TBC1D19: variants seen among roughly 807,000 people sequenced by gnomAD.
TBC1D19 encodes the protein TBC1 domain family, member 19.
TBC1D19 carries 60 observed loss-of-function variants against 89.0 expected under a neutral mutation model. That is an observed-to-expected ratio of 0.67 (90% confidence interval 0.55 to 0.84). The LOEUF (loss-of-function observed/expected upper bound fraction) is 0.84. Ranked by LOEUF, TBC1D19 falls within the 40% of genes least tolerant of loss-of-function variation. The pLI is 0.00. For missense variants in TBC1D19, 500 were observed against 610.8 expected (o/e 0.82, Z 1.91); for synonymous variants, 189 against 199.7 (o/e 0.95, Z 0.45).
intron 13 of TBC1D19, among the ~76,000 whole-genome samples, chr4:26,694,591 C>A (rs1367836025): frequency 1.3e-5 from 2 of 152,202 alleles, no homozygotes; most frequent in East Asian, 3.9e-4. Context: ...AGACAGACGG[C>A]CTCCTCAAGT....
chr4:26,838,120 C>T, the TBC1D19 span, among the ~76,000 whole-genome samples: 1 of 152,112 alleles, frequency 6.6e-6, no homozygotes, highest in African/African-American at 2.4e-5. Flanking sequence ...CTCTTGGCCC[C>T]TTTCCCATCC....
At chr4:26,659,805 C>A in intron 8 of TBC1D19, 98 bp downstream of exon 8, 1 of 616,410 alleles carries the variant, frequency 1.6e-6, no homozygotes, top group South Asian at 3.8e-5. Flanking sequence ...GTAATCTACT[C>A]ATTAAACAAA....
At chr4:26,842,630 T>TTCTA in the TBC1D19 span, among the ~76,000 whole-genome samples, 1 of 146,996 alleles carries the variant, frequency 6.8e-6, no homozygotes, top group South Asian at 2.1e-4. Flanking sequence ...CTTTCTTTCT[T>TTCTA]TCTTTCTTTC....
intron 13 of TBC1D19, among the ~76,000 whole-genome samples, chr4:26,692,382 T>C (rs1714374837): frequency 6.6e-6 from 1 of 152,126 alleles, no homozygotes; most frequent in African/African-American, 2.4e-5. Flanking sequence ...GGCTTTCACC[T>C]CATTTTGTTT....
intron 15 of TBC1D19, among the ~76,000 whole-genome samples, chr4:26,728,991 G>C (rs1357457916): frequency 2.0e-5 from 3 of 152,166 alleles, no homozygotes; most frequent in Admixed American, 6.5e-5. Flanking sequence ...CTTCAGCCTC[G>C]GCGACAGAGC....
chr4:26,646,122 CAAAAAAAAAAAA>C (rs1170955624), intron 7 of TBC1D19, among the ~76,000 whole-genome samples: 1 of 42,202 alleles, frequency 2.4e-5, no homozygotes, highest in South Asian at 6.8e-4. Flanking sequence ...GACTCCGTCT[CAAAAAAAAAAAA>C]AAAAAAAAAA....
chr4:26,642,289 A>C (rs1223220396), intron 7 of TBC1D19, among the ~76,000 whole-genome samples: 2 of 152,250 alleles, frequency 1.3e-5, no homozygotes, highest in Non-Finnish European at 2.9e-5. Flanking sequence ...ATTCTTAAAG[A>C]AAAGAATTTT....
At chr4:26,765,795 C>T in the TBC1D19 span, among the ~76,000 whole-genome samples, 1 of 152,052 alleles carries the variant, frequency 6.6e-6, no homozygotes, top group African/African-American at 2.4e-5. Context: ...TTTTTCTAAT[C>T]TAGTGAATTT....
the TBC1D19 span, among the ~76,000 whole-genome samples, chr4:26,842,446 G>A: frequency 1.4e-5 from 2 of 147,680 alleles, no homozygotes; most frequent in Non-Finnish European, 3.0e-5. Context: ...CTGGGCACAG[G>A]TGATCCCCCC....
intron 15 of TBC1D19, among the ~76,000 whole-genome samples, chr4:26,727,039 A>T (rs1314407330): frequency 1.3e-5 from 2 of 152,210 alleles, no homozygotes; most frequent in African/African-American, 4.8e-5. Context: ...GCATAAGGAA[A>T]GGCTAGAATC....
intron 8 of TBC1D19, among the ~76,000 whole-genome samples, chr4:26,662,208 G>A (rs190203959): frequency 1.1e-4 from 16 of 152,282 alleles, no homozygotes; most frequent in Admixed American, 3.9e-4. Flanking sequence ...TTTATTCCCA[G>A]AAGGAGACTT....
chr4:26,669,936 T>C (rs1373649610), intron 9 of TBC1D19, among the ~76,000 whole-genome samples: 8 of 151,766 alleles, frequency 5.3e-5, no homozygotes, highest in Non-Finnish European at 1.0e-4. Context: ...CGAGTTGTTA[T>C]GGGCAGTTTT....
At chr4:26,747,924 TATACTC>T (rs1447079393) in intron 18 of TBC1D19, among the ~76,000 whole-genome samples, 1 of 152,234 alleles carries the variant, frequency 6.6e-6, no homozygotes, top group Admixed American at 6.5e-5. Flanking sequence ...TTTTTGTCCT[TATACTC>T]ATACTTGTTA....
the TBC1D19 span, among the ~76,000 whole-genome samples, chr4:26,768,059 A>G: frequency 2.0e-5 from 3 of 151,988 alleles, no homozygotes; most frequent in African/African-American, 7.2e-5. Flanking sequence ...CAGAGAGGGA[A>G]CTCTAAGGAT....
chr4:26,610,463 A>C (rs1214373536), intron 1 of TBC1D19, among the ~76,000 whole-genome samples: 2 of 144,734 alleles, frequency 1.4e-5, no homozygotes, highest in African/African-American at 5.1e-5. Context: ...ATTATTCTTA[A>C]CTTTTAGTTT....
chr4:26,621,213 A>C (rs888955253), intron 4 of TBC1D19, among the ~76,000 whole-genome samples: 35 of 152,228 alleles, frequency 2.3e-4, no homozygotes, highest in Non-Finnish European at 4.6e-4. Flanking sequence ...ATTTAAGTAT[A>C]AAAACTATGA....
chr4:26,683,100 G>T (rs890243435), intron 11 of TBC1D19, among the ~76,000 whole-genome samples: 1 of 152,142 alleles, frequency 6.6e-6, no homozygotes, highest in South Asian at 2.1e-4. Flanking sequence ...CTATATGATT[G>T]CTTTTACTAC....
intron 7 of TBC1D19, among the ~76,000 whole-genome samples, chr4:26,654,757 T>C (rs1325440618): frequency 6.6e-6 from 1 of 152,216 alleles, no homozygotes; most frequent in Non-Finnish European, 1.5e-5. Context: ...CTGCATTGGT[T>C]ATTCTAGTTA....
chr4:26,591,300 G>C (rs1394942253), intron 1 of TBC1D19, among the ~76,000 whole-genome samples: 1 of 151,672 alleles, frequency 6.6e-6, no homozygotes, highest in East Asian at 1.9e-4. Context: ...TTCACCTGTT[G>C]ATAGACATCT....
Sources: allele counts gnomAD v4.1 joint callset (sites outside exome capture counted in the v4.1 genomes callset), GRCh38; gene constraint gnomAD v4.1.1; transcripts MANE v1.5; gene names NCBI Gene and HGNC (gene_info 2026-07-23, HGNC 2026-07-21).